Variants in IL1RAP observed in about 807,000 individuals in gnomAD.
IL1RAP encodes the protein interleukin 1 receptor accessory protein.
IL1RAP carries 35 observed loss-of-function variants against 60.7 expected under a neutral mutation model. That is an observed-to-expected ratio of 0.58 (90% CI 0.44 to 0.76). The LOEUF is 0.76. Ranked by LOEUF, IL1RAP falls within the 30% of genes least tolerant of loss-of-function variation. The pLI, the probability that IL1RAP is intolerant of heterozygous loss-of-function variation, is 0.00. For synonymous variants in IL1RAP, 268 were observed against 250.9 expected, an observed-to-expected ratio of 1.07 and a Z score of -0.64; for missense variants, 572 against 693.9, an observed-to-expected ratio of 0.82 and a Z score of 1.97.
intron 9 of IL1RAP, among the ~76,000 whole-genome samples, chr3:190,637,410 C>A (rs1405631471): frequency 6.6e-6 from 1 of 152,030 alleles, no homozygotes; most frequent in Non-Finnish European, 1.5e-5. Context: ...AGGAATTACA[C>A]AGTGAGCAGT....
chr3:190,519,192 C>T (rs957516102), intron 1 of IL1RAP, among the ~76,000 whole-genome samples: 3 of 152,136 alleles, frequency 2.0e-5, no homozygotes, highest in Non-Finnish European at 4.4e-5. Context: ...CTTTAAGATT[C>T]CTTTCAACTT....
At chr3:190,625,962 G>C (rs530132829) in intron 7 of IL1RAP, among the ~76,000 whole-genome samples, 2 of 152,198 alleles carry the variant, frequency 1.3e-5, no homozygotes, top group South Asian at 4.1e-4. Context: ...ACTTAAGGAC[G>C]TTGCAATGGG....
Position 190,650,270 on chromosome 3 carries a change from A to G in IL1RAP, c.*1565A>G. The G allele has an allele frequency of 6.1e-6, 6 of 985,306 alleles. No individual in the cohort carries two copies. Among genetic ancestry groups the G allele is most frequent in the Non-Finnish European group, 7.2e-6 (6 of 829,860 alleles). 61.0% of individuals were successfully genotyped at this position (985,306 alleles called of 1,614,324 possible). A position where few individuals can be genotyped will look rare whatever the true frequency, so the allele number is the denominator to read the frequency against. ...GTTGTCATAGTTCTTGCCTTCCCTAAGTTTATATAAATAACTTAAGTATTG... is the reference window on the plus strand; with the variant it reads ...GTTGTCATAGTTCTTGCCTTCCCTAGGTTTATATAAATAACTTAAGTATTG... On this transcript the variant is annotated 3_prime_UTR_variant, in exon 12 of 12. Transcript: ENST00000447382.
At position 190,656,749 on chromosome 3, in the gene IL1RAP, C is replaced by A. The variant is rs147515165; in HGVS notation, c.*142C>A. ...ATTGATTTTTAAAAACTATTTATTT[C>A]TAGGAGACAAAAGACCTGAAGGACC... On this transcript the variant is annotated 3_prime_UTR_variant, in exon 12 of 12. Coordinates refer to the IL1RAP transcript ENST00000317757. 5.8e-4 allele frequency: 348 copies of A among 600,968 alleles called. 5 individuals are homozygous for A. In the East Asian group the frequency reaches 1.0e-2, roughly 17 times the overall value. The allele number at this position is 600,968 out of a possible 1,614,324, so 37.2% of individuals were successfully genotyped here.
intron 3 of IL1RAP, among the ~76,000 whole-genome samples, chr3:190,598,331 T>G (rs1471593033): frequency 6.6e-6 from 1 of 152,140 alleles, no homozygotes; most frequent in Admixed American, 6.5e-5. Context: ...TCTTTTTTTT[T>G]CTATATACTT....
At chr3:190,517,480 G>A (rs895816353) in intron 1 of IL1RAP, among the ~76,000 whole-genome samples, 1 of 152,190 alleles carries the variant, frequency 6.6e-6, no homozygotes, top group Admixed American at 6.5e-5. Context: ...TCCTGGTGGT[G>A]CTGATTACTT....
At chr3:190,655,628 A>C (rs1242182526), downstream of IL1RAP, among the ~76,000 whole-genome samples, 1 of 149,486 alleles carries the variant, frequency 6.7e-6, no homozygotes, top group Admixed American at 6.7e-5. Context: ...CTTATTGAAG[A>C]AGGAGACTAC....
chr3:190,549,570 T>A (rs1724680918), intron 1 of IL1RAP, among the ~76,000 whole-genome samples: 1 of 152,146 alleles, frequency 6.6e-6, no homozygotes, highest in Admixed American at 6.5e-5. Context: ...TGTATTTAAA[T>A]GAAACAAGTC....
intron 3 of IL1RAP, among the ~76,000 whole-genome samples, chr3:190,570,507 C>T (rs1726816587): frequency 6.6e-6 from 1 of 152,060 alleles, no homozygotes; most frequent in African/African-American, 2.4e-5. Context: ...TAGTTTAAGG[C>T]TCTTATCCAT....
chr3:190,599,408 A>C (rs1320160455), intron 3 of IL1RAP, among the ~76,000 whole-genome samples: 1 of 151,722 alleles, frequency 6.6e-6, no homozygotes, highest in Non-Finnish European at 1.5e-5. Context: ...CTTCAGATGC[A>C]TCGCTTCATT....
chr3:190,538,002 C>T (rs1168297395), intron 1 of IL1RAP, among the ~76,000 whole-genome samples: 2 of 151,984 alleles, frequency 1.3e-5, no homozygotes, highest in East Asian at 1.9e-4. Flanking sequence ...TCTTTTCTTC[C>T]CTTCTTTTCT....
chr3:190,545,981 A>T (rs1724334982), intron 1 of IL1RAP, among the ~76,000 whole-genome samples: 1 of 152,130 alleles, frequency 6.6e-6, no homozygotes, highest in Non-Finnish European at 1.5e-5. Flanking sequence ...ATAATGGAAC[A>T]TCCTTTTCGT....
At chr3:190,646,851 C>A (rs1734050865) in intron 11 of IL1RAP, among the ~76,000 whole-genome samples, 1 of 152,074 alleles carries the variant, frequency 6.6e-6, no homozygotes. Context: ...AACCAAAAGT[C>A]CATCATAAGA....
intron 5 of IL1RAP, chr3:190,615,422 C>A: frequency 1.7e-6 from 1 of 576,162 alleles, no homozygotes; most frequent in Non-Finnish European, 2.9e-6. Context: ...GGCAGGCCAT[C>A]CTAACTTTCA....
At chr3:190,532,765 T>G (rs551643745) in intron 1 of IL1RAP, among the ~76,000 whole-genome samples, 1 of 151,366 alleles carries the variant, frequency 6.6e-6, no homozygotes, top group Admixed American at 6.6e-5. Flanking sequence ...GCTGAACATC[T>G]TATAACAGGC....
In IL1RAP at chr3:190,522,321, C is replaced by CCTTCCTTA. The variant is rs1722111789; in HGVS notation, c.-89+8109_-89+8110insACTTCCTT. On this transcript the variant is annotated intron_variant, in intron 1 of 11. Coordinates refer to ENST00000447382, the MANE Select transcript of IL1RAP (RefSeq NM_002182.4). Reference sequence around the variant, plus strand: ...TCCTTCCTTCCTTCCTTCCTTCCTTCCTTCCTTCCTTCCTTCCTTCCTCCC... The same window carrying CCTTCCTTA: ...TCCTTCCTTCCTTCCTTCCTTCCTTCCTTCCTTACTTCCTTCCTTCCTTCCTTCCTCCC... Among the ~76,000 whole-genome samples, 4 of 149,974 alleles carry CCTTCCTTA rather than the reference C, an allele frequency of 2.7e-5. No individual in the cohort carries two copies. In the South Asian group the frequency reaches 8.4e-4, roughly 32 times the overall value.
chr3:190,567,113 G>C (rs904022204), intron 3 of IL1RAP, among the ~76,000 whole-genome samples: 1 of 152,140 alleles, frequency 6.6e-6, no homozygotes, highest in Admixed American at 6.6e-5. Context: ...AGAACTTAGC[G>C]CCATGCAATG....
chr3:190,607,570 G>A (rs546399947), intron 4 of IL1RAP, among the ~76,000 whole-genome samples: 124 of 152,072 alleles, frequency 8.2e-4, no homozygotes, highest in African/African-American at 2.9e-3. Flanking sequence ...ATAAATGACA[G>A]ATCAAATTTA....
chr3:190,629,445 A>T lies in IL1RAP; in HGVS notation c.998A>T (p.His333Leu). Reference protein sequence around the residue: ...SEDLKRSYVCHARSAKGEVAK... With the variant: ...SEDLKRSYVCLARSAKGEVAK... ...GATCTCAAGCGCAGCTATGTCTGTC[A>T]TGCTAGAAGTGCCAAAGGCGAAGTT... is the stretch of plus-strand genomic sequence containing the variant. The change falls in exon 9 of 12, where the codon CAT becomes CTT. Residue 333 changes from histidine (H) to leucine (L), a missense_variant. His to Leu is a moderately conservative substitution (Grantham distance 99, BLOSUM62 -3). Transcript: ENST00000447382. 6.2e-7 allele frequency: 1 copy of T among 1,613,726 alleles called. No homozygotes were observed. The highest frequency in any genetic ancestry group is 8.5e-7 in the Non-Finnish European group (1 of 1,179,798).
Sources: allele counts gnomAD v4.1 joint callset (sites outside exome capture counted in the v4.1 genomes callset), GRCh38; gene constraint gnomAD v4.1.1; transcripts MANE v1.5; gene names NCBI Gene and HGNC (gene_info 2026-07-23, HGNC 2026-07-21).